The following NLRP14 variants were observed in gnomAD, a reference collection of about 807,000 sequenced individuals.
NLRP14 encodes the protein NLR family pyrin domain containing 14, also known as NACHT, LRR and PYD domains-containing protein 14.
Under a neutral mutation model 94.7 loss-of-function variants are expected in NLRP14, and 105 were observed. The ratio of observed to expected loss-of-function variants is 1.11; its 90% CI spans 0.95 to 1.30. The LOEUF is 1.30. Ranked by LOEUF, NLRP14 falls within the 50% of genes most tolerant of loss-of-function variation. The probability of loss-of-function intolerance (pLI) is 0.00; values close to 1 mark genes in which losing one functional copy is unlikely to be tolerated. For missense variants in NLRP14, 1,362 were observed against 1,254.1 expected (o/e 1.09, Z -1.30); for synonymous variants, 508 against 459.9 (o/e 1.10, Z -1.34).
At chr11:7,031,707 C>T (rs1260439606) in intron 1 of NLRP14, among the ~76,000 whole-genome samples, 2 of 152,136 alleles carry the variant, frequency 1.3e-5, no homozygotes, top group East Asian at 3.9e-4. Context: ...AAGCTATTCC[C>T]GCCACCTGTG....
At chr11:7,041,004 CTATT>C (rs1467951079) in intron 3 of NLRP14, among the ~76,000 whole-genome samples, 15 of 152,060 alleles carry the variant, frequency 9.9e-5, no homozygotes, top group Non-Finnish European at 2.1e-4. Flanking sequence ...TAAAAGTAAA[CTATT>C]TATTATGGGA....
chr11:7,078,885 A>G, the NLRP14 span, among the ~76,000 whole-genome samples: 3 of 152,182 alleles, frequency 2.0e-5, no homozygotes. Context: ...GTATAGAGCC[A>G]TGGGGTTGCT....
At chr11:7,078,254 T>C in the NLRP14 span, among the ~76,000 whole-genome samples, 1 of 150,334 alleles carries the variant, frequency 6.7e-6, no homozygotes, top group Admixed American at 6.6e-5. Flanking sequence ...CTGGCTAACA[T>C]GGCAAAACCC....
chr11:7,082,928 G>A, the NLRP14 span, among the ~76,000 whole-genome samples: 2 of 152,184 alleles, frequency 1.3e-5, no homozygotes. Context: ...CAGGCCTGTA[G>A]GAATTCTGAC....
At chr11:7,040,277 A>G (rs952805328) in intron 3 of NLRP14, among the ~76,000 whole-genome samples, 2 of 152,332 alleles carry the variant, frequency 1.3e-5, no homozygotes, top group Admixed American at 6.5e-5. Context: ...ATCAGGTCGC[A>G]TAGCAGGAGG....
intron 1 of NLRP14, among the ~76,000 whole-genome samples, chr11:7,035,192 G>A (rs1202321667): frequency 6.6e-6 from 1 of 152,186 alleles, no homozygotes; most frequent in South Asian, 2.1e-4. Flanking sequence ...ATAGTGGCAG[G>A]CACCTGAAGT....
chr11:7,074,155 C>T (rs1263550601), downstream of NLRP14, among the ~76,000 whole-genome samples: 2 of 152,200 alleles, frequency 1.3e-5, no homozygotes, highest in Non-Finnish European at 2.9e-5. Context: ...AAATCACACT[C>T]GTATAATATC....
At chr11:7,079,737 A>G in the NLRP14 span, among the ~76,000 whole-genome samples, 2 of 152,222 alleles carry the variant, frequency 1.3e-5, no homozygotes, top group Non-Finnish European at 2.9e-5. Context: ...CATCTCACGT[A>G]TGGAGCAAGG....
At chr11:7,048,967 T>C (rs952656381) in intron 5 of NLRP14, among the ~76,000 whole-genome samples, 3 of 146,946 alleles carry the variant, frequency 2.0e-5, no homozygotes, top group Admixed American at 1.4e-4. Flanking sequence ...TATAAATGGG[T>C]AAAGGCTTTA....
chr11:7,023,334 AAT>A (rs1167969410), intron 1 of NLRP14, among the ~76,000 whole-genome samples: 1 of 147,124 alleles, frequency 6.8e-6, no homozygotes, highest in Non-Finnish European at 1.5e-5. Context: ...TAAAATTTTA[AAT>A]ATATAATTTT....
At chr11:7,035,201 G>A (rs1231303279) in intron 1 of NLRP14, among the ~76,000 whole-genome samples, 5 of 152,130 alleles carry the variant, frequency 3.3e-5, no homozygotes, top group African/African-American at 1.2e-4. Context: ...GGCACCTGAA[G>A]TCCAAGTTAC....
At chr11:7,082,837 A>G in the NLRP14 span, among the ~76,000 whole-genome samples, 1 of 152,166 alleles carries the variant, frequency 6.6e-6, no homozygotes, top group East Asian at 1.9e-4. Flanking sequence ...GAAATGGGCT[A>G]TTTTTACCAT....
the NLRP14 span, among the ~76,000 whole-genome samples, chr11:7,084,259 T>C: frequency 2.0e-5 from 3 of 152,210 alleles, no homozygotes; most frequent in South Asian, 2.1e-4. Flanking sequence ...CCTCCAGTAG[T>C]GTATTCCTAT....
intron 5 of NLRP14, among the ~76,000 whole-genome samples, chr11:7,048,081 A>G (rs1852386579): frequency 6.6e-6 from 1 of 152,106 alleles, no homozygotes; most frequent in African/African-American, 2.4e-5. Flanking sequence ...CTTGTGCTCA[A>G]CAAAATGTCT....
intron 1 of NLRP14, among the ~76,000 whole-genome samples, chr11:7,037,709 A>G (rs183203662): frequency 6.6e-6 from 1 of 152,340 alleles, no homozygotes; most frequent in Non-Finnish European, 1.5e-5. Context: ...ACTGTCACCG[A>G]GTAAGGGCAT....
At chr11:7,067,176 A>C (rs1303076860) in intron 10 of NLRP14, among the ~76,000 whole-genome samples, 2 of 152,104 alleles carry the variant, frequency 1.3e-5, no homozygotes, top group East Asian at 3.9e-4. Flanking sequence ...GATTGTCTTG[A>C]CTATACGGGC....
the NLRP14 span, among the ~76,000 whole-genome samples, chr11:7,077,237 G>A: frequency 6.6e-6 from 1 of 152,242 alleles, no homozygotes; most frequent in Non-Finnish European, 1.5e-5. Flanking sequence ...GCGCCTGGTA[G>A]GGGCGTGGGT....
chr11:7,050,526 A>C (rs1441368174), intron 6 of NLRP14, among the ~76,000 whole-genome samples: 1 of 152,228 alleles, frequency 6.6e-6, no homozygotes, highest in Non-Finnish European at 1.5e-5. Flanking sequence ...ACAAATAGTT[A>C]CAGTAAGTTT....
At chr11:7,067,980 T>C (rs1452265265) in intron 10 of NLRP14, among the ~76,000 whole-genome samples, 8 of 152,104 alleles carry the variant, frequency 5.3e-5, no homozygotes, top group African/African-American at 1.9e-4. Flanking sequence ...AATAATTATT[T>C]AGGTTTTCTC....
Sources: gnomAD v4.1 joint callset for allele counts (sites outside exome capture counted in the v4.1 genomes callset) on GRCh38, gnomAD v4.1.1 for gene constraint, MANE v1.5 for transcripts, NCBI Gene and HGNC (gene_info 2026-07-23, HGNC 2026-07-21) for gene names.